The following ADAM9 variants were observed in gnomAD, a reference collection of about 807,000 sequenced individuals.
ADAM9 encodes ADAM metallopeptidase domain 9.
ADAM9 carries 54 observed loss-of-function variants against 108.1 expected under a neutral mutation model. The ratio of observed to expected loss-of-function variants is 0.50; its 90% CI spans 0.40 to 0.63. ADAM9 has a LOEUF of 0.63. Among genes scored for constraint, ADAM9 ranks in the 20% least tolerant of loss-of-function variants. The pLI is 0.00. For synonymous variants in ADAM9, 316 were observed against 336.0 expected (o/e 0.94, Z 0.65); for missense variants, 830 against 997.7 (o/e 0.83, Z 2.26).
chr8:39,084,502 C>A (rs1045470326), intron 18 of ADAM9, among the ~76,000 whole-genome samples: 4 of 151,258 alleles, frequency 2.6e-5, no homozygotes, highest in Admixed American at 6.6e-5. Context: ...TTTTGAAATA[C>A]CTGTGGATTT....
intron 18 of ADAM9, among the ~76,000 whole-genome samples, chr8:39,088,521 C>T (rs1018960430): frequency 4.6e-5 from 7 of 151,972 alleles, no homozygotes; most frequent in South Asian, 2.1e-4. Context: ...CCTCCCAAAG[C>T]GCTGGGATTA....
At chr8:38,998,108 C>G (rs1328174988) in intron 1 of ADAM9, among the ~76,000 whole-genome samples, 1 of 152,210 alleles carries the variant, frequency 6.6e-6, no homozygotes, top group South Asian at 2.1e-4. Context: ...GGAGTTTTTA[C>G]TAAATCATTG....
At chr8:39,080,597 G>A (rs959667225) in intron 16 of ADAM9, among the ~76,000 whole-genome samples, 2 of 152,156 alleles carry the variant, frequency 1.3e-5, no homozygotes, top group Non-Finnish European at 2.9e-5. Flanking sequence ...CGGCAGATAG[G>A]ATCCTGTCCC....
At position 39,103,834 on chromosome 8, in the gene ADAM9, A is replaced by G. The variant is rs1564397676; in HGVS notation, c.*134A>G. The G allele has an allele frequency of 1.2e-6, 1 of 815,246 alleles. No individual in the cohort carries two copies. Among genetic ancestry groups the G allele is most frequent in the East Asian group, 2.6e-5 (1 of 38,422 alleles). The allele number at this position is 815,246 out of a possible 1,614,324, so 50.5% of individuals were successfully genotyped here. On this transcript the variant is annotated 3_prime_UTR_variant, in exon 22 of 22. Coordinates refer to ENST00000487273, the MANE Select transcript of ADAM9 (RefSeq NM_003816.3). ...AAAACACCACAAAACAGACTTCACT[A>G]ACACAGAAAAACAGAAACTGAGTGT...
At chr8:39,097,280 A>G (rs1286391548) in intron 20 of ADAM9, among the ~76,000 whole-genome samples, 1 of 149,488 alleles carries the variant, frequency 6.7e-6, no homozygotes, top group African/African-American at 2.5e-5. Context: ...GAGCACCCCC[A>G]GGTGTCTGTG....
At chr8:39,048,515 TC>T (rs1837848252) in intron 12 of ADAM9, among the ~76,000 whole-genome samples, 1 of 152,196 alleles carries the variant, frequency 6.6e-6, no homozygotes, top group African/African-American at 2.4e-5. Context: ...TGGAGAGAGT[TC>T]CATGTGTGCC....
intron 4 of ADAM9, chr8:39,014,585 T>C: frequency 1.4e-6 from 1 of 702,542 alleles, no homozygotes; most frequent in Non-Finnish European, 2.6e-6. Flanking sequence ...AAATTTGGCT[T>C]TCTGTGTTTA....
At chr8:39,065,659 C>CA (rs33990237) in intron 14 of ADAM9, among the ~76,000 whole-genome samples, 3,954 of 72,522 alleles carry the variant, frequency 0.055, 133 homozygotes, top group Non-Finnish European at 0.071. Flanking sequence ...GGCTACATCT[C>CA]AAAAAAAAAA....
intron 20 of ADAM9, among the ~76,000 whole-genome samples, chr8:39,097,955 A>G (rs1298031876): frequency 1.3e-5 from 2 of 152,200 alleles, no homozygotes; most frequent in African/African-American, 4.8e-5. Flanking sequence ...CTATTTTCCC[A>G]TGTGTTGATT....
chr8:39,008,021 T>A, intron 2 of ADAM9, 38 bp downstream of exon 2: 1 of 1,482,346 alleles, frequency 6.7e-7, no homozygotes. Flanking sequence ...TGTGGTTAAT[T>A]TTTTTCTTTT....
chr8:39,041,271 A>G (rs1837448448), intron 11 of ADAM9, among the ~76,000 whole-genome samples: 1 of 152,238 alleles, frequency 6.6e-6, no homozygotes, highest in Admixed American at 6.5e-5. Context: ...AATTGCATTT[A>G]TATAAATCTC....
chr8:39,007,725 A>G (rs1426141585), intron 1 of ADAM9, among the ~76,000 whole-genome samples, 161 bp from the exon 2 acceptor site: 1 of 152,238 alleles, frequency 6.6e-6, no homozygotes, highest in African/African-American at 2.4e-5. Context: ...ATTTTCATGT[A>G]TTAATACAAC....
chr8:39,029,131 G>GTTTTTTTTTTTT (rs35682054), intron 11 of ADAM9, among the ~76,000 whole-genome samples: 1 of 142,568 alleles, frequency 7.0e-6, no homozygotes. Flanking sequence ...TGTTGTTGTT[G>GTTTTTTTTTTTT]TTTTTTTTTT....
chr8:39,066,825 C>A (rs1178462798), intron 14 of ADAM9, among the ~76,000 whole-genome samples: 1 of 152,122 alleles, frequency 6.6e-6, no homozygotes, highest in African/African-American at 2.4e-5. Context: ...AAGTCCTTGC[C>A]CATGCCTATG....
intron 11 of ADAM9, among the ~76,000 whole-genome samples, chr8:39,029,777 T>G (rs1316290580): frequency 1.3e-5 from 2 of 152,176 alleles, no homozygotes; most frequent in African/African-American, 4.8e-5. Context: ...GAGTTCTGTT[T>G]GCTAGTATTT....
Position 39,104,208 on chromosome 8 carries a change from G to A in ADAM9, c.*508G>A, listed in dbSNP as rs1228720259. 6 of 453,804 alleles carry A rather than the reference G, an allele frequency of 1.3e-5. No homozygotes were observed. Among genetic ancestry groups the A allele is most frequent in the South Asian group, 6.2e-5 (4 of 64,446 alleles). 28.1% of individuals were successfully genotyped at this position (453,804 alleles called of 1,614,324 possible). ...AATAATCATCATACTCTAGAATCTTGTCTGTCACTCACTACATGAATAAGC... is the reference window on the plus strand; with the variant it reads ...AATAATCATCATACTCTAGAATCTTATCTGTCACTCACTACATGAATAAGC... On this transcript the variant is annotated 3_prime_UTR_variant, in exon 22 of 22. Transcript: ENST00000487273.
intron 6 of ADAM9, 74 bp from the exon 7 acceptor site, chr8:39,018,779 A>C: frequency 8.0e-7 from 1 of 1,245,234 alleles, no homozygotes; most frequent in South Asian, 1.2e-5. Context: ...ACATGAAATA[A>C]GTGATGAGAG....
chr8:39,079,594 A>AATTTTT (rs1451422531), intron 16 of ADAM9, among the ~76,000 whole-genome samples: 1 of 142,200 alleles, frequency 7.0e-6, no homozygotes, highest in Non-Finnish European at 1.5e-5. Context: ...AATATCATGA[A>AATTTTT]TTTTTTTTTT....
rs753318977 is a variant in ADAM9, at chr8:39,055,779, TATC to T, written c.1591+13_1591+15del. ...CAAGTCATCTTTGGCTCAAGTAAGA[TATC>T]ATCATTTATAATTGATTGCTTCGAT... is the stretch of plus-strand genomic sequence containing the variant. On this transcript the variant is annotated splice_region_variant and intron_variant, in intron 14 of 21. Coordinates refer to ENST00000487273, the MANE Select transcript of ADAM9 (RefSeq NM_003816.3). 5 of 1,609,952 alleles carry T rather than the reference TATC, an allele frequency of 3.1e-6. No individual in the cohort carries two copies. Among genetic ancestry groups the T allele is most frequent in the Admixed American group, 3.3e-5 (2 of 59,862 alleles).
Sources: allele counts gnomAD v4.1 joint callset (sites outside exome capture counted in the v4.1 genomes callset), GRCh38; gene constraint gnomAD v4.1.1; transcripts MANE v1.5; gene names NCBI Gene and HGNC (gene_info 2026-07-23, HGNC 2026-07-21).